HABP4: variants seen among roughly 807,000 people sequenced by gnomAD.
HABP4 encodes the protein hyaluronan binding protein 4.
In HABP4, 32 loss-of-function variants were observed where a neutral mutation model predicts 44.1. The observed-to-expected ratio is 0.73, with a 90% CI of 0.55 to 0.97. HABP4 has a LOEUF of 0.97. Ranked by LOEUF, HABP4 falls within the 50% of genes least tolerant of loss-of-function variation. The probability of loss-of-function intolerance (pLI) is 0.00; values close to 1 mark genes in which losing one functional copy is unlikely to be tolerated. For synonymous variants in HABP4, 216 were observed against 218.0 expected, an observed-to-expected ratio of 0.99 and a Z score of 0.08; for missense variants, 503 against 561.9, an observed-to-expected ratio of 0.90 and a Z score of 1.06.
At chr9:96,454,993 C>T (rs1455172988) in intron 1 of HABP4, among the ~76,000 whole-genome samples, 1 of 151,804 alleles carries the variant, frequency 6.6e-6, no homozygotes, top group East Asian at 1.9e-4. Flanking sequence ...GATGGTGCAG[C>T]CTGTAGTCCT....
intron 6 of HABP4, among the ~76,000 whole-genome samples, 171 bp downstream of exon 6, chr9:96,484,804 A>C (rs1005659505): frequency 6.6e-6 from 1 of 152,140 alleles, no homozygotes; most frequent in Non-Finnish European, 1.5e-5. Flanking sequence ...AAGAAAAGGA[A>C]TTGAAACTTG....
intron 5 of HABP4, among the ~76,000 whole-genome samples, chr9:96,479,069 G>T (rs1832832919): frequency 6.6e-6 from 1 of 152,066 alleles, no homozygotes; most frequent in Admixed American, 6.6e-5. Flanking sequence ...AGGGCATTTG[G>T]GTGGACAGAG....
chr9:96,484,628 G>T lies in HABP4; in HGVS notation c.994G>T (p.Asp332Tyr), dbSNP rs761349738. The T allele has an allele frequency of 6.5e-7, 1 of 1,544,552 alleles. No homozygotes were observed. ...GGTGATTCACAAGTCAAAATACAGA[G>T]ATGATGTAAGCATTGCATTTCGTAT... ...AVVIHKSKYR[D>Y]DMVKDDYEDD... is the part of the protein sequence containing the mutation. Residue 332 changes from aspartate to tyrosine, a missense_variant, in exon 6 of 8, where the codon GAT becomes TAT. Asp to Tyr is a radical substitution (Grantham distance 160, BLOSUM62 -3). Around this residue, in one of 3 missense-constraint regions of HABP4, gnomAD observed 131 missense variants for 189.8 expected, o/e 0.69. Coordinates refer to ENST00000375249, the MANE Select transcript of HABP4 (RefSeq NM_014282.4).
At position 96,490,391 on chromosome 9, in the gene HABP4, TC is replaced by T. The variant is rs1833069404; in HGVS notation, c.*356del. On this transcript the variant is annotated 3_prime_UTR_variant, in exon 8 of 8. Coordinates refer to ENST00000375249, the MANE Select transcript of HABP4 (RefSeq NM_014282.4). Reference sequence around the variant, plus strand: ...TGGAGACTCTTAGGAAGCAGTAGATTCCCGGGGGCTGTGCCTTTAGCGTTAG... The same window carrying T: ...TGGAGACTCTTAGGAAGCAGTAGATTCCGGGGGCTGTGCCTTTAGCGTTAG... 9.9e-6 allele frequency: 2 copies of T among 201,706 alleles called. No homozygotes were observed. Among genetic ancestry groups the T allele is most frequent in the African/African-American group, 4.6e-5 (2 of 43,358 alleles). The allele number at this position is 201,706 out of a possible 1,614,324, so 12.5% of individuals were successfully genotyped here.
chr9:96,452,046 T>G (rs1229597422), intron 1 of HABP4, among the ~76,000 whole-genome samples: 1 of 151,756 alleles, frequency 6.6e-6, no homozygotes, highest in Non-Finnish European at 1.5e-5. Context: ...GCTAACACGG[T>G]GAAATCCCGT....
intron 4 of HABP4, among the ~76,000 whole-genome samples, chr9:96,467,474 C>T (rs980908261): frequency 4.0e-5 from 6 of 149,966 alleles, no homozygotes; most frequent in Non-Finnish European, 8.9e-5. Flanking sequence ...CACTTTCTTT[C>T]CTTCTTTCTT....
intron 2 of HABP4, among the ~76,000 whole-genome samples, chr9:96,462,940 ACTTTT>A (rs1302752408): frequency 2.6e-5 from 4 of 151,750 alleles, no homozygotes; most frequent in South Asian, 2.1e-4. Context: ...AATTACTGTT[ACTTTT>A]CTTTTGTTTT....
intron 1 of HABP4, among the ~76,000 whole-genome samples, chr9:96,452,318 C>T (rs1362007681): frequency 6.6e-6 from 1 of 151,744 alleles, no homozygotes; most frequent in Non-Finnish European, 1.5e-5. Flanking sequence ...TTAAAATTGT[C>T]ATGCATTTTT....
intron 4 of HABP4, 23 bp downstream of exon 4, chr9:96,465,801 CTG>C: frequency 7.9e-7 from 1 of 1,263,562 alleles, no homozygotes; most frequent in Non-Finnish European, 1.2e-6. Context: ...TGTGTGCCCT[CTG>C]AGAACCTGCA....
At chr9:96,465,285 G>T in intron 2 of HABP4, 52 bp from the exon 3 acceptor site, 1 of 1,171,136 alleles carries the variant, frequency 8.5e-7, no homozygotes, top group Non-Finnish European at 1.3e-6. Flanking sequence ...TTTTTCTGGA[G>T]AGACCTTAGA....
chr9:96,450,507 C>T lies in HABP4; in HGVS notation c.228C>T (p.Ala76=), dbSNP rs1327351499. 2 of 1,215,324 alleles carry T rather than the reference C, an allele frequency of 1.6e-6. No homozygotes were observed. Among genetic ancestry groups the T allele is most frequent in the Non-Finnish European group, 2.0e-6 (2 of 977,422 alleles). 75.3% of individuals were successfully genotyped at this position (1,215,324 alleles called of 1,614,324 possible). A position where few individuals can be genotyped will look rare whatever the true frequency, so the allele number is the denominator to read the frequency against. The change falls in exon 1 of 8, where the codon GCC becomes GCT. Residue 76 remains alanine, a synonymous_variant. Coordinates refer to ENST00000375249, the MANE Select transcript of HABP4 (RefSeq NM_014282.4). The surrounding 1 kb of genome is among the most constrained non-coding windows in gnomAD (Gnocchi z 4.8). The part of the protein sequence containing the change: ...GAGPRGGRSP[A]GASGHRAGAG... ...GTCCCCGCGGCGGCAGGAGCCCAGCCGGGGCCTCGGGCCACAGAGCCGGCG... is the reference window on the plus strand; with the variant it reads ...GTCCCCGCGGCGGCAGGAGCCCAGCTGGGGCCTCGGGCCACAGAGCCGGCG...
In HABP4 at chr9:96,458,496, CAG is replaced by C. The variant is rs1445038686; in HGVS notation, c.472_473del (p.Arg158AlafsTer7). 5.0e-6 allele frequency: 8 copies of C among 1,613,330 alleles called. No homozygotes were observed. The highest frequency in any genetic ancestry group is 6.8e-6 in the Non-Finnish European group (8 of 1,179,298). The stretch of plus-strand genomic sequence containing the variant: ...TACAGGGAATACCGACCCTATGAGA[CAG>C]AGAGGCAGGCAGACTTCACAGCTGA... On this transcript the variant is annotated frameshift_variant, in exon 2 of 8. Transcript: ENST00000375249. LOFTEE classifies it high-confidence loss of function.
intron 5 of HABP4, among the ~76,000 whole-genome samples, chr9:96,478,358 C>T (rs547874774): frequency 2.6e-5 from 4 of 152,276 alleles, no homozygotes; most frequent in African/African-American, 9.6e-5. Flanking sequence ...GTCTCGAACT[C>T]CTGACCTTGT....
chr9:96,481,904 T>C (rs1388561787), intron 5 of HABP4, among the ~76,000 whole-genome samples: 1 of 152,108 alleles, frequency 6.6e-6, no homozygotes, highest in Non-Finnish European at 1.5e-5. Flanking sequence ...ACATTCATAT[T>C]GTGTGTAACC....
chr9:96,486,566 A>G (rs1297049740), intron 6 of HABP4, among the ~76,000 whole-genome samples: 1 of 147,766 alleles, frequency 6.8e-6, no homozygotes, highest in Non-Finnish European at 1.5e-5. Context: ...CTCCCAGAAT[A>G]TTTGAAGCAA....
At chr9:96,481,210 G>T (rs377745962) in intron 5 of HABP4, among the ~76,000 whole-genome samples, 1 of 151,998 alleles carries the variant, frequency 6.6e-6, no homozygotes, top group Admixed American at 6.6e-5. Context: ...TCAGCCTCCC[G>T]AGTAGCTGGG....
At chr9:96,460,803 G>A (rs1832488459) in intron 2 of HABP4, among the ~76,000 whole-genome samples, 1 of 152,200 alleles carries the variant, frequency 6.6e-6, no homozygotes, top group African/African-American at 2.4e-5. Flanking sequence ...TCAGCGCATC[G>A]CAGTACAGAT....
rs114038363 is a variant in HABP4 at position 96,484,650 on chromosome 9, G to A, written c.999+17G>A. 40 of 1,365,740 alleles carry A rather than the reference G, an allele frequency of 2.9e-5. No individual in the cohort carries two copies. The highest frequency in any genetic ancestry group is 4.0e-5 in the Non-Finnish European group (38 of 958,776). 84.6% of individuals were successfully genotyped at this position (1,365,740 alleles called of 1,614,324 possible). On this transcript the variant is annotated intron_variant, in intron 6 of 7. Transcript: ENST00000375249. ...AGAGATGATGTAAGCATTGCATTTC[G>A]TATGTAGAGGTAATCTTTACTTTTA...
chr9:96,460,016 GTATT>G (rs1564160331), intron 2 of HABP4, among the ~76,000 whole-genome samples: 1 of 152,128 alleles, frequency 6.6e-6, no homozygotes, highest in Non-Finnish European at 1.5e-5. Flanking sequence ...AAGCATTTGG[GTATT>G]TATTTTCCCC....
Sources: gnomAD v4.1 joint callset for allele counts (sites outside exome capture counted in the v4.1 genomes callset) on GRCh38, gnomAD v4.1.1 for gene constraint, gnomAD v4.1.1 regional missense constraint, Gnocchi (gnomAD v3.1) non-coding constraint, MANE v1.5 for transcripts, NCBI Gene and HGNC (gene_info 2026-07-23, HGNC 2026-07-21) for gene names.